Variants in YY1AP1 observed in about 807,000 individuals in gnomAD.
YY1AP1 encodes YY1 associated protein 1.
Under a neutral mutation model 39.9 loss-of-function variants are expected in YY1AP1, and 43 were observed. The observed-to-expected ratio is 1.08, with a 90% CI of 0.84 to 1.39. YY1AP1 has a LOEUF of 1.39. Among genes scored for constraint, YY1AP1 ranks in the 40% most tolerant of loss-of-function variants. The pLI is 0.00. For missense variants in YY1AP1, 813 were observed against 900.7 expected, an observed-to-expected ratio of 0.90 and a Z score of 1.25; for synonymous variants, 292 against 331.3, an observed-to-expected ratio of 0.88 and a Z score of 1.29.
At position 155,668,545 on chromosome 1, in the gene YY1AP1, T is replaced by C. The variant is rs1649393845; in HGVS notation, c.879+82A>G. 23 of 1,608,108 alleles carry C rather than the reference T, an allele frequency of 1.4e-5. No individual in the cohort carries two copies. The South Asian group carries it at 1.9e-4, about 13-fold the overall frequency. On this transcript the variant is annotated intron_variant, in intron 9 of 10. Coordinates refer to ENST00000355499, the MANE Select transcript of YY1AP1 (RefSeq NM_139119.3). ...ATTAGCTTTAGATAAAAGAAGGTTC[T>C]TCTTTTCTTTGAGAATAACAAGAGA...
chr1:155,678,673 A>C (rs964068344), intron 4 of YY1AP1, among the ~76,000 whole-genome samples: 1 of 152,098 alleles, frequency 6.6e-6, no homozygotes, highest in Admixed American at 6.6e-5. Flanking sequence ...TTTTTCACTA[A>C]ATTGGAAAAT....
chr1:155,672,182 G>C (rs1242058133), intron 7 of YY1AP1: 1 of 315,316 alleles, frequency 3.2e-6, no homozygotes, highest in Admixed American at 4.4e-5. Context: ...TTAATGAAGA[G>C]AATAAAAAGC....
intron 9 of YY1AP1, among the ~76,000 whole-genome samples, chr1:155,664,211 T>G (rs1648608644): frequency 6.6e-6 from 1 of 151,930 alleles, no homozygotes; most frequent in South Asian, 2.1e-4. Context: ...CCTTAAAAGC[T>G]TCTTAAAAAA....
chr1:155,685,111 T>C (rs569653795), intron 2 of YY1AP1, among the ~76,000 whole-genome samples: 1 of 152,316 alleles, frequency 6.6e-6, no homozygotes, highest in Admixed American at 6.5e-5. Context: ...AACCAACAGT[T>C]CCTTTATACA....
chr1:155,684,721 G>A (rs1187145483), intron 2 of YY1AP1, among the ~76,000 whole-genome samples: 1 of 152,024 alleles, frequency 6.6e-6, no homozygotes, highest in African/African-American at 2.4e-5. Flanking sequence ...GAGTAGCTGG[G>A]ACTACAGGTG....
chr1:155,674,120 C>T (rs1477643214), intron 6 of YY1AP1, among the ~76,000 whole-genome samples: 1 of 143,102 alleles, frequency 7.0e-6, no homozygotes, highest in Non-Finnish European at 1.5e-5. Flanking sequence ...GAGATCCCGC[C>T]ACTGCACTCC....
chr1:155,665,355 T>C (rs1648814495), intron 9 of YY1AP1, among the ~76,000 whole-genome samples: 1 of 151,986 alleles, frequency 6.6e-6, no homozygotes, highest in Non-Finnish European at 1.5e-5. Flanking sequence ...ATCCCAGCAC[T>C]TTGGGAGACC....
chr1:155,661,164 A>G, intron 10 of YY1AP1, 143 bp downstream of exon 10: 1 of 1,586,098 alleles, frequency 6.3e-7, no homozygotes, highest in Non-Finnish European at 8.6e-7. Flanking sequence ...GCAGAAAAGT[A>G]AGGGAAGAAA....
chr1:155,668,188 C>T (rs1158573598), intron 9 of YY1AP1, among the ~76,000 whole-genome samples: 1 of 152,028 alleles, frequency 6.6e-6, no homozygotes, highest in Non-Finnish European at 1.5e-5. Context: ...GTAATCTCAG[C>T]TATTTGGGAG....
At chr1:155,666,212 C>T (rs898913461) in intron 9 of YY1AP1, among the ~76,000 whole-genome samples, 10 of 152,072 alleles carry the variant, frequency 6.6e-5, no homozygotes, top group African/African-American at 1.9e-4. Context: ...AGCTCCACCT[C>T]CCGGGTTCAC....
In YY1AP1 at chr1:155,660,563, C is replaced by G; in HGVS notation, c.1347G>C (p.Arg449=). The G allele has an allele frequency of 6.2e-7, 1 of 1,614,152 alleles. No individual in the cohort carries two copies. Among genetic ancestry groups the G allele is most frequent in the East Asian group, 2.2e-5 (1 of 44,878 alleles). Reference sequence around the variant, plus strand: ...TGGCTGGCTGTATTGGGTGAGGAATCCGGAGCACCATTTTGCTCGGAGGGG... The same window carrying G: ...TGGCTGGCTGTATTGGGTGAGGAATGCGGAGCACCATTTTGCTCGGAGGGG... ...SEAPPSKMVL[R]IPHPIQPATV... is the part of the protein sequence containing the mutation. Residue 449 remains arginine (R), a synonymous_variant, in exon 11 of 11, where the codon CGG becomes CGC. Coordinates refer to ENST00000355499, the MANE Select transcript of YY1AP1 (RefSeq NM_139119.3).
At chr1:155,683,538 C>T (rs967836295) in intron 2 of YY1AP1, among the ~76,000 whole-genome samples, 3 of 151,940 alleles carry the variant, frequency 2.0e-5, no homozygotes, top group African/African-American at 7.3e-5. Context: ...TGCCTGTAAA[C>T]CCAGCTGCTC....
chr1:155,675,150 G>C (rs1177383689), intron 5 of YY1AP1, 54 bp from the exon 6 acceptor site: 1 of 1,532,200 alleles, frequency 6.5e-7, no homozygotes, highest in African/African-American at 1.4e-5. Context: ...GCCATTTCAG[G>C]AGCCCAGAGA....
chr1:155,663,779 T>C (rs575445431), intron 9 of YY1AP1, among the ~76,000 whole-genome samples: 10 of 151,892 alleles, frequency 6.6e-5, no homozygotes, highest in East Asian at 5.8e-4. Context: ...TGGATAAAAA[T>C]AGACAAATAC....
chr1:155,659,851 G>A lies in YY1AP1; in HGVS notation c.2059C>T (p.Gln687Ter). The change falls in exon 11 of 11, where the codon CAG becomes TAG. Residue 687 changes from glutamine (Q) to a stop codon, truncating the protein, a stop_gained. Transcript: ENST00000355499. LOFTEE classifies it low-confidence loss of function (END_TRUNC). ...HSPGPPPVDK[Q>*]CQEGLSENSA... ...TTCTCTGACAATCCTTCTTGGCACTGTTTATCGACTGGTGGAGGCCCTGGG... is the reference window on the plus strand; with the variant it reads ...TTCTCTGACAATCCTTCTTGGCACTATTTATCGACTGGTGGAGGCCCTGGG... 4 of 1,614,210 alleles carry A rather than the reference G, an allele frequency of 2.5e-6. No homozygotes were observed. The highest frequency in any genetic ancestry group is 3.4e-6 in the Non-Finnish European group (4 of 1,180,030).
chr1:155,688,371 G>A, intron 1 of YY1AP1, 170 bp from the exon 2 acceptor site: 1 of 1,543,286 alleles, frequency 6.5e-7, no homozygotes, highest in South Asian at 1.2e-5. Flanking sequence ...TCCAGAGGGA[G>A]GGAGCTAAGG....
intron 9 of YY1AP1, among the ~76,000 whole-genome samples, chr1:155,668,334 A>T (rs1195878897): frequency 6.6e-6 from 1 of 152,006 alleles, no homozygotes; most frequent in African/African-American, 2.4e-5. Context: ...CAAAACAAAA[A>T]CCCAAAGCAT....
chr1:155,660,550 T>C lies in YY1AP1; in HGVS notation c.1360A>G (p.Ile454Val), dbSNP rs899436791. 1 of 1,613,934 alleles carries C rather than the reference T, an allele frequency of 6.2e-7. No individual in the cohort carries two copies. Among genetic ancestry groups the C allele is most frequent in the Non-Finnish European group, 8.5e-7 (1 of 1,180,032 alleles). ...SKMVLRIPHPIQPATVLQTVP... is the reference protein window; with the variant it reads ...SKMVLRIPHPVQPATVLQTVP... ...GTCTGTAAAACAGTGGCTGGCTGTA[T>C]TGGGTGAGGAATCCGGAGCACCATT... is the stretch of plus-strand genomic sequence containing the variant. The change falls in exon 11 of 11, where the codon ATA (isoleucine) becomes GTA (valine). Residue 454 changes from isoleucine to valine, a missense_variant. This residue lies in a region of YY1AP1 where 586 missense variants were observed against 647.4 expected (regional missense o/e 0.91). Coordinates refer to ENST00000355499, the MANE Select transcript of YY1AP1 (RefSeq NM_139119.3).
Position 155,659,803 on chromosome 1 carries a change from CA to C in YY1AP1, c.2106del (p.Val703Ter). 1 of 1,614,218 alleles carries C rather than the reference CA, an allele frequency of 6.2e-7. No individual in the cohort carries two copies. The highest frequency in any genetic ancestry group is 8.5e-7 in the Non-Finnish European group (1 of 1,180,046). On this transcript the variant is annotated frameshift_variant, in exon 11 of 11. Transcript: ENST00000355499. LOFTEE classifies it low-confidence loss of function (END_TRUNC). Reference sequence around the variant, plus strand: ...GCTTGCCTTCCCTCCTCTGTTTTCACAACGGTCCAGCGATAGGCACTGTTCT... The same window carrying C: ...GCTTGCCTTCCCTCCTCTGTTTTCACACGGTCCAGCGATAGGCACTGTTCT... Reference protein sequence around the residue: ...LSENSAYRWTVVKTEEGRQAL... With the variant: ...LSENSAYRWTXVKTEEGRQAL...
Sources: allele counts gnomAD v4.1 joint callset (sites outside exome capture counted in the v4.1 genomes callset), GRCh38; gene constraint gnomAD v4.1.1; regional missense constraint gnomAD v4.1.1; transcripts MANE v1.5; gene names NCBI Gene and HGNC (gene_info 2026-07-23, HGNC 2026-07-21).